Variants in XPO7 observed in about 807,000 individuals in gnomAD.
The protein encoded by XPO7 is exportin-7.
Under a neutral mutation model 144.3 loss-of-function variants are expected in XPO7, and 21 were observed. That is an observed-to-expected ratio of 0.15 (90% CI 0.10 to 0.21). The LOEUF (loss-of-function observed/expected upper bound fraction) is 0.21, where lower values mean the gene tolerates loss of function less well. Among genes scored for constraint, XPO7 ranks in the 10% least tolerant of loss-of-function variants. The probability of loss-of-function intolerance (pLI) is 1.00; values close to 1 mark genes in which losing one functional copy is unlikely to be tolerated. For synonymous variants in XPO7, 580 were observed against 499.6 expected, an observed-to-expected ratio of 1.16 and a Z score of -2.15; for missense variants, 808 against 1,325.8, an observed-to-expected ratio of 0.61 and a Z score of 6.06.
chr8:21,920,783 G>C (rs1386592844), intron 1 of XPO7, among the ~76,000 whole-genome samples: 1 of 152,164 alleles, frequency 6.6e-6, no homozygotes, highest in Non-Finnish European at 1.5e-5. Context: ...CAATTTTCTA[G>C]GTAACCAAGT....
intron 21 of XPO7, 50 bp from the exon 22 acceptor site, chr8:21,998,705 C>G (rs1213263515): frequency 3.9e-6 from 6 of 1,552,512 alleles, no homozygotes; most frequent in Non-Finnish European, 5.3e-6. Context: ...GTACCCCAGT[C>G]TTCCAAGAAA....
chr8:21,990,660 C>A (rs1270434336), intron 17 of XPO7, 151 bp from the exon 18 acceptor site: 4 of 800,230 alleles, frequency 5.0e-6, no homozygotes, highest in Non-Finnish European at 7.8e-6. Context: ...ACAACGGTAG[C>A]CTGCCTTCAA....
chr8:21,969,695 G>A lies in XPO7; in HGVS notation c.259+119G>A, dbSNP rs888885763. The A allele has an allele frequency of 5.8e-6, 6 of 1,031,886 alleles. No individual in the cohort carries two copies. The South Asian group carries it at 6.5e-5, about 11-fold the overall frequency. 63.9% of individuals were successfully genotyped at this position (1,031,886 alleles called of 1,614,324 possible). A position where few individuals can be genotyped will look rare whatever the true frequency, so the allele number is the denominator to read the frequency against. On this transcript the variant is annotated intron_variant, in intron 3 of 27. Transcript: ENST00000252512. ...GCTGAGATTGCTAACCATACAAAAT[G>A]TCTAGAATCCAGTTCGTTTCCAGAA...
intron 27 of XPO7, among the ~76,000 whole-genome samples, chr8:22,004,689 C>G (rs1813264014): frequency 6.6e-6 from 1 of 151,958 alleles, no homozygotes; most frequent in Non-Finnish European, 1.5e-5. Context: ...CCTGGTCTTG[C>G]TGCATTAAGA....
intron 19 of XPO7, among the ~76,000 whole-genome samples, chr8:21,993,270 G>A (rs1303584003): frequency 2.6e-5 from 4 of 152,106 alleles, no homozygotes; most frequent in African/African-American, 4.8e-5. Flanking sequence ...GAACAACCTT[G>A]GTAATGGACT....
intron 1 of XPO7, among the ~76,000 whole-genome samples, chr8:21,954,623 G>T (rs1320028871): frequency 1.3e-5 from 2 of 152,152 alleles, no homozygotes; most frequent in African/African-American, 4.8e-5. Context: ...AACAGAGTGA[G>T]ACTCCATCTC....
chr8:21,981,242 TTACAG>T (rs1180698891), intron 9 of XPO7, among the ~76,000 whole-genome samples: 2 of 152,216 alleles, frequency 1.3e-5, no homozygotes, highest in Non-Finnish European at 2.9e-5. Context: ...TATGAATAAA[TTACAG>T]TAAGTGATAT....
intron 1 of XPO7, among the ~76,000 whole-genome samples, chr8:21,928,631 G>A (rs1457064906): frequency 6.6e-6 from 1 of 152,118 alleles, no homozygotes. Flanking sequence ...CTAACATGTT[G>A]AGTATCTCTT....
chr8:21,992,872 G>A (rs776659878), intron 19 of XPO7, among the ~76,000 whole-genome samples: 8 of 152,152 alleles, frequency 5.3e-5, no homozygotes, highest in Non-Finnish European at 1.0e-4. Context: ...GTTACTATTG[G>A]TAGGACTTTT....
At chr8:21,998,170 G>C (rs533832770) in intron 21 of XPO7, among the ~76,000 whole-genome samples, 1 of 152,194 alleles carries the variant, frequency 6.6e-6, no homozygotes, top group African/African-American at 2.4e-5. Context: ...GGCCGGGCAC[G>C]GTGGCTCACG....
chr8:21,922,784 A>G (rs774301853), intron 1 of XPO7, among the ~76,000 whole-genome samples: 5 of 152,196 alleles, frequency 3.3e-5, no homozygotes, highest in Non-Finnish European at 5.9e-5. Context: ...ATGAAGACTG[A>G]TTCCAGGATT....
chr8:21,983,231 G>T (rs780924134), intron 11 of XPO7, among the ~76,000 whole-genome samples: 12 of 152,164 alleles, frequency 7.9e-5, no homozygotes, highest in Non-Finnish European at 1.6e-4. Context: ...TCTAATTCCA[G>T]AGCTAGAACA....
rs139489405 is a variant in XPO7, at chr8:21,936,117, C to G, written c.18+16329C>G. 1.7e-3 allele frequency among the ~76,000 whole-genome samples: 263 copies of G among 152,248 alleles called. 1 individual carries two copies. The highest frequency in any genetic ancestry group is 5.8e-3 in the African/African-American group (243 of 41,550). On this transcript the variant is annotated intron_variant, in intron 1 of 27. Transcript: ENST00000252512. Reference sequence around the variant, plus strand: ...AGTGTAAATTCCTTTAGTTTCCAGTCTTTTAATGTCTGCTAACCCTACCTC... The same window carrying G: ...AGTGTAAATTCCTTTAGTTTCCAGTGTTTTAATGTCTGCTAACCCTACCTC...
chr8:21,972,076 A>G, intron 5 of XPO7, 135 bp downstream of exon 5: 1 of 733,814 alleles, frequency 1.4e-6, no homozygotes, highest in Non-Finnish European at 2.3e-6. Flanking sequence ...CTTTTGAAAC[A>G]AAATAGTTCC....
intron 1 of XPO7, among the ~76,000 whole-genome samples, chr8:21,951,207 G>A (rs1405463576): frequency 1.3e-5 from 2 of 151,976 alleles, no homozygotes; most frequent in East Asian, 3.8e-4. Flanking sequence ...ACATTATCCA[G>A]AGAGAATCCT....
intron 2 of XPO7, among the ~76,000 whole-genome samples, chr8:21,967,569 G>A (rs886927503): frequency 6.6e-6 from 1 of 151,968 alleles, no homozygotes; most frequent in African/African-American, 2.4e-5. Flanking sequence ...CTGACCTCAG[G>A]TGATCCACCC....
Position 21,989,100 on chromosome 8 carries a change from T to G in XPO7, c.1868+17T>G. ...GTCCATTGGATATCCTTTTCTAAGC[T>G]AACTTCTGTGCACAACAGAAACTGG... On this transcript the variant is annotated intron_variant, in intron 16 of 27. Transcript: ENST00000252512. 6.2e-7 allele frequency: 1 copy of G among 1,609,726 alleles called. No individual in the cohort carries two copies.
chr8:21,998,190 C>T (rs1813015950), intron 21 of XPO7, among the ~76,000 whole-genome samples: 1 of 152,274 alleles, frequency 6.6e-6, no homozygotes, highest in African/African-American at 2.4e-5. Context: ...GCCTGTAATC[C>T]CAGCACTTTG....
intron 1 of XPO7, among the ~76,000 whole-genome samples, chr8:21,958,772 C>T (rs184888555): frequency 1.3e-5 from 2 of 152,086 alleles, no homozygotes; most frequent in African/African-American, 2.4e-5. Flanking sequence ...CCAGCCTGGC[C>T]AACATGGGGA....
Sources: allele counts gnomAD v4.1 joint callset (sites outside exome capture counted in the v4.1 genomes callset), GRCh38; gene constraint gnomAD v4.1.1; transcripts MANE v1.5; gene names NCBI Gene and HGNC (gene_info 2026-07-23, HGNC 2026-07-21).